RUFY3: variants seen among roughly 807,000 people sequenced by gnomAD.
RUFY3 encodes RUN and FYVE domain containing 3, also known as protein RUFY3.
A neutral mutation model predicts 84.0 loss-of-function variants in RUFY3; 34 were observed. The ratio of observed to expected loss-of-function variants is 0.40; its 90% CI spans 0.31 to 0.54. The LOEUF (loss-of-function observed/expected upper bound fraction) is 0.54, where lower values mean the gene tolerates loss of function less well. Ranked by LOEUF, RUFY3 falls within the 20% of genes least tolerant of loss-of-function variation. The pLI, the probability that RUFY3 is intolerant of heterozygous loss-of-function variation, is 0.39. For synonymous variants in RUFY3, 242 were observed against 252.9 expected (o/e 0.96, Z 0.41); for missense variants, 507 against 736.8 (o/e 0.69, Z 3.61).
At chr4:70,782,893 T>C (rs937056368) in intron 8 of RUFY3, among the ~76,000 whole-genome samples, 198 bp from the exon 9 acceptor site, 2 of 152,192 alleles carry the variant, frequency 1.3e-5, no homozygotes, top group Admixed American at 1.3e-4. Context: ...GGCTGGGCAA[T>C]AGAGTGAGGC....
chr4:70,733,131 AGGGAGG>A (rs1719681393), intron 1 of RUFY3, among the ~76,000 whole-genome samples: 5 of 66,204 alleles, frequency 7.6e-5, no homozygotes, highest in Admixed American at 2.0e-4. Flanking sequence ...GGAGGGAGGG[AGGGAGG>A]GAGAGAGAGA....
intron 1 of RUFY3, chr4:70,741,550 G>T: frequency 7.9e-7 from 1 of 1,269,458 alleles, no homozygotes; most frequent in South Asian, 1.4e-5. Context: ...TGGAAATCTT[G>T]TTTTTAATAG....
intron 1 of RUFY3, among the ~76,000 whole-genome samples, chr4:70,712,158 T>A (rs1473523444): frequency 6.6e-6 from 1 of 150,832 alleles, no homozygotes; most frequent in Non-Finnish European, 1.5e-5. Context: ...TATATAACAA[T>A]TTTTTTTTGT....
At chr4:70,772,009 G>A (rs1265632304) in intron 5 of RUFY3, among the ~76,000 whole-genome samples, 3 of 151,832 alleles carry the variant, frequency 2.0e-5, no homozygotes, top group Non-Finnish European at 2.9e-5. Flanking sequence ...AGGAGGAGGA[G>A]GAAGAGGAGG....
At chr4:70,762,941 G>A (rs1725277105) in intron 2 of RUFY3, among the ~76,000 whole-genome samples, 1 of 152,170 alleles carries the variant, frequency 6.6e-6, no homozygotes, top group Non-Finnish European at 1.5e-5. Flanking sequence ...CAGTACAGTA[G>A]TTCTGTTTGA....
chr4:70,770,212 T>G (rs898505792), intron 5 of RUFY3, among the ~76,000 whole-genome samples: 1 of 152,186 alleles, frequency 6.6e-6, no homozygotes, highest in African/African-American at 2.4e-5. Context: ...AGCACTGGCT[T>G]CAACTTAGAG....
At chr4:70,704,804 G>A (rs1740062763) in exon 1 of RUFY3, 2 of 568,580 alleles carry the variant, frequency 3.5e-6, no homozygotes, top group South Asian at 1.7e-4. Context: ...CCAGCCCGTG[G>A]CCGAGAAGAA....
intron 1 of RUFY3, among the ~76,000 whole-genome samples, chr4:70,705,972 G>C (rs937325536): frequency 6.6e-6 from 1 of 152,188 alleles, no homozygotes; most frequent in African/African-American, 2.4e-5. Context: ...GGTTATATCG[G>C]TTGTCGGGAA....
rs1206241706 is a variant in RUFY3 at position 70,722,187 on chromosome 4, C to A, written c.-387C>A. 9.8e-6 allele frequency: 12 copies of A among 1,229,238 alleles called. No homozygotes were observed. Among genetic ancestry groups the A allele is most frequent in the Admixed American group, 4.3e-5 (1 of 23,520 alleles). 76.1% of individuals were successfully genotyped at this position (1,229,238 alleles called of 1,614,324 possible). On this transcript the variant is annotated 5_prime_UTR_variant, in exon 1 of 18. Transcript: ENST00000381006. ...AGGAGGATTTTTCACTTACTCATAT[C>A]GAGGCCAGATTTTTAAAGCCAGCTA... is the stretch of plus-strand genomic sequence containing the variant.
intron 1 of RUFY3, among the ~76,000 whole-genome samples, chr4:70,705,528 C>T (rs922539388): frequency 1.3e-5 from 2 of 152,138 alleles, no homozygotes; most frequent in Non-Finnish European, 2.9e-5. Flanking sequence ...CTCCCCAGGC[C>T]GCGGCTCCTG....
At chr4:70,793,619 C>A (rs1228756417) in intron 12 of RUFY3, 166 bp from the exon 13 acceptor site, 1 of 1,485,378 alleles carries the variant, frequency 6.7e-7, no homozygotes, top group South Asian at 1.3e-5. Context: ...TCTTCTCCAT[C>A]TTTTCCCCCC....
At chr4:70,734,435 A>AT in intron 1 of RUFY3, 1 of 985,388 alleles carries the variant, frequency 1.0e-6, no homozygotes, top group Non-Finnish European at 1.2e-6. Flanking sequence ...CTGAGCTGTG[A>AT]TTATGTGTTC....
intron 15 of RUFY3, 136 bp from the exon 16 acceptor site, chr4:70,802,820 G>A (rs760508823): frequency 9.1e-5 from 54 of 591,072 alleles, no homozygotes; most frequent in Non-Finnish European, 1.4e-4. Flanking sequence ...TAATTATGTT[G>A]TTCTAAGTAA....
chr4:70,740,416 C>G (rs1438056121), intron 1 of RUFY3, among the ~76,000 whole-genome samples: 1 of 152,220 alleles, frequency 6.6e-6, no homozygotes, highest in Non-Finnish European at 1.5e-5. Context: ...CCACGCATTC[C>G]TACCTAGAAA....
upstream of RUFY3, among the ~76,000 whole-genome samples, chr4:70,718,988 G>A (rs939908853): frequency 6.6e-6 from 1 of 152,174 alleles, no homozygotes; most frequent in Non-Finnish European, 1.5e-5. Context: ...GTACTGGGAT[G>A]ACAGGCATGA....
At chr4:70,806,419 T>A (rs765479329) in intron 17 of RUFY3, 97 bp from the exon 18 acceptor site, 8 of 1,325,920 alleles carry the variant, frequency 6.0e-6, no homozygotes, top group Non-Finnish European at 8.5e-6. Flanking sequence ...ATTGTTTGAT[T>A]AGGCATTGAG....
chr4:70,784,736 G>T (rs766424941), intron 9 of RUFY3, 60 bp from the exon 10 acceptor site: 11 of 1,073,382 alleles, frequency 1.0e-5, no homozygotes, highest in Admixed American at 3.2e-5. Flanking sequence ...AGCAGTGTTA[G>T]TGTCTAATTC....
intron 1 of RUFY3, among the ~76,000 whole-genome samples, chr4:70,736,241 G>GT (rs1372624161): frequency 6.6e-6 from 1 of 151,730 alleles, no homozygotes; most frequent in African/African-American, 2.4e-5. Flanking sequence ...AACAACTTTA[G>GT]TTATAGAGGT....
At chr4:70,779,265 C>G (rs2148761238) in intron 8 of RUFY3, among the ~76,000 whole-genome samples, 1 of 152,268 alleles carries the variant, frequency 6.6e-6, no homozygotes, top group South Asian at 2.1e-4. Flanking sequence ...AACTCATGTG[C>G]TCCTGAGTAA....
Sources: allele counts gnomAD v4.1 joint callset (sites outside exome capture counted in the v4.1 genomes callset), GRCh38; gene constraint gnomAD v4.1.1; transcripts MANE v1.5; gene names NCBI Gene and HGNC (gene_info 2026-07-23, HGNC 2026-07-21).